Variants in LAMC1 observed in about 807,000 individuals in gnomAD.
LAMC1 encodes laminin subunit gamma-1.
LAMC1 carries 38 observed loss-of-function variants against 173.6 expected under a neutral mutation model. The observed-to-expected ratio is 0.22, with a 90% confidence interval of 0.17 to 0.29. LAMC1 has a LOEUF of 0.29. Ranked by LOEUF, LAMC1 falls within the 10% of genes least tolerant of loss-of-function variation. The pLI, the probability that LAMC1 is intolerant of heterozygous loss-of-function variation, is 1.00. For synonymous variants in LAMC1, 746 were observed against 749.1 expected (o/e 1.00, Z 0.07); for missense variants, 1,824 against 2,051.8 (o/e 0.89, Z 2.14).
chr1:183,116,514 C>A, intron 6 of LAMC1, 63 bp from the exon 7 acceptor site: 1 of 1,124,812 alleles, frequency 8.9e-7, no homozygotes, highest in Non-Finnish European at 1.3e-6. Context: ...AAACAAAGGG[C>A]TGACTTGAAG....
intron 11 of LAMC1, among the ~76,000 whole-genome samples, chr1:183,120,842 G>GT (rs1434609831): frequency 6.6e-6 from 1 of 152,062 alleles, no homozygotes; most frequent in East Asian, 1.9e-4. Flanking sequence ...TTTTTGGGGG[G>GT]TTTTTTGGCT....
At chr1:183,125,188 G>A in intron 14 of LAMC1, 1 of 605,518 alleles carries the variant, frequency 1.7e-6, no homozygotes, top group Non-Finnish European at 2.9e-6. Flanking sequence ...TTTTTCTCAC[G>A]CTAAGCCTTC....
chr1:183,053,018 G>A (rs372349127), intron 1 of LAMC1, among the ~76,000 whole-genome samples: 1 of 151,804 alleles, frequency 6.6e-6, no homozygotes. Context: ...CGATTACTCT[G>A]TTCTTCCTAG....
chr1:183,130,257 T>G, intron 18 of LAMC1, 87 bp from the exon 19 acceptor site: 1 of 1,180,098 alleles, frequency 8.5e-7, no homozygotes, highest in Non-Finnish European at 1.2e-6. Flanking sequence ...TTTAGAAGAG[T>G]AGAGATACAT....
chr1:183,068,046 G>A (rs1654920812), intron 1 of LAMC1, among the ~76,000 whole-genome samples: 2 of 152,216 alleles, frequency 1.3e-5, no homozygotes, highest in Admixed American at 1.3e-4. Flanking sequence ...CATAATGGGA[G>A]TTGAGCTTAG....
At chr1:183,056,668 A>T (rs574398533) in intron 1 of LAMC1, among the ~76,000 whole-genome samples, 25 of 152,344 alleles carry the variant, frequency 1.6e-4, no homozygotes, top group African/African-American at 5.5e-4. Flanking sequence ...CACGCTCATT[A>T]TACAGGTGAG....
Position 183,066,340 on chromosome 1 carries a change from C to T in LAMC1, c.419-36988C>T, listed in dbSNP as rs1473045256. On this transcript the variant is annotated intron_variant, in intron 1 of 27. Transcript: ENST00000258341. ...GAGAGGATGTGGGGAAATAGGAATG[C>T]TTTTACACTGTTGATGGGAGTGTAA... is the stretch of plus-strand genomic sequence containing the variant. 2.0e-5 allele frequency among the ~76,000 whole-genome samples: 3 copies of T among 152,186 alleles called. No individual in the cohort carries two copies. The South Asian group carries it at 6.2e-4, about 32-fold the overall frequency.
At chr1:183,085,230 A>AG (rs1329984064) in intron 1 of LAMC1, among the ~76,000 whole-genome samples, 1 of 152,056 alleles carries the variant, frequency 6.6e-6, no homozygotes, top group African/African-American at 2.4e-5. Context: ...AAAAAAAAAA[A>AG]AAAGTTTATG....
At chr1:183,096,895 A>G (rs6674293) in intron 1 of LAMC1, among the ~76,000 whole-genome samples, 3,647 of 152,314 alleles carry the variant, frequency 0.024, 146 homozygotes, top group African/African-American at 0.083. Flanking sequence ...GCCCTTCAAC[A>G]GGCAATAATG....
intron 1 of LAMC1, among the ~76,000 whole-genome samples, chr1:183,094,597 A>G (rs1000051368): frequency 1.3e-5 from 2 of 152,240 alleles, no homozygotes; most frequent in African/African-American, 2.4e-5. Context: ...TTGAGCAATT[A>G]TCAAGGCCAG....
chr1:183,031,387 C>G (rs1246247394), intron 1 of LAMC1, among the ~76,000 whole-genome samples: 2 of 152,200 alleles, frequency 1.3e-5, no homozygotes, highest in African/African-American at 4.8e-5. Context: ...TCACTGCAAC[C>G]TCTGCCTCCT....
Position 183,023,820 on chromosome 1 carries a change from C to A in LAMC1, c.104C>A (p.Ala35Glu). The change falls in exon 1 of 28, where the codon GCA becomes GAA. Residue 35 changes from alanine to glutamate, a missense_variant. Ala to Glu is a moderately radical substitution (Grantham distance 107). Transcript: ENST00000258341. ...AAAAAAGCAQAAMDECTDEGG... is the reference protein window; with the variant it reads ...AAAAAAGCAQEAMDECTDEGG... ...GCCGCCGCGGCGGGCTGTGCCCAGG[C>A]AGCCATGGACGAGTGCACGGACGAG... 2 of 1,570,992 alleles carry A rather than the reference C, an allele frequency of 1.3e-6. No homozygotes were observed. The highest frequency in any genetic ancestry group is 1.7e-6 in the Non-Finnish European group (2 of 1,158,050).
intron 1 of LAMC1, among the ~76,000 whole-genome samples, chr1:183,048,524 T>C (rs182814864): frequency 2.2e-4 from 33 of 152,332 alleles, no homozygotes; most frequent in Admixed American, 1.9e-3. Context: ...AGTACAAATG[T>C]CTGATAGCTT....
chr1:183,118,153 T>C lies in LAMC1; in HGVS notation c.1990+7T>C. Reference sequence around the variant, plus strand: ...GGGACATACAGTGAGAGAAGTAAGTTATGATATAATTTAGGAGAGTTGTTT... The same window carrying C: ...GGGACATACAGTGAGAGAAGTAAGTCATGATATAATTTAGGAGAGTTGTTT... On this transcript the variant is annotated splice_region_variant and intron_variant, in intron 11 of 27. Coordinates refer to ENST00000258341, the MANE Select transcript of LAMC1 (RefSeq NM_002293.4). The C allele has an allele frequency of 6.9e-7, 1 of 1,447,758 alleles. No individual in the cohort carries two copies. The highest frequency in any genetic ancestry group is 9.7e-7 in the Non-Finnish European group (1 of 1,031,790). 89.7% of individuals were successfully genotyped at this position (1,447,758 alleles called of 1,614,324 possible).
chr1:183,127,337 A>G lies in LAMC1; in HGVS notation c.3056A>G (p.Tyr1019Cys), dbSNP rs772117984. ...CGCTGTGACCAGTGTGAAGAAAACT[A>G]TTTCTACAATCGGTCTTGGCCTGGC... is the stretch of plus-strand genomic sequence containing the variant. Reference protein sequence around the residue: ...GNRCDQCEENYFYNRSWPGCQ... With the variant: ...GNRCDQCEENCFYNRSWPGCQ... The change falls in exon 17 of 28, where the codon TAT becomes TGT. Residue 1019 changes from tyrosine (Y) to cysteine (C), a missense_variant. Tyr to Cys is a radical substitution (Grantham distance 194). Transcript: ENST00000258341. 78 of 1,614,032 alleles carry G rather than the reference A, an allele frequency of 4.8e-5. No individual in the cohort carries two copies. The highest frequency in any genetic ancestry group is 6.1e-5 in the Non-Finnish European group (72 of 1,179,988).
chr1:183,029,068 A>G (rs1653769960), intron 1 of LAMC1, among the ~76,000 whole-genome samples: 1 of 152,186 alleles, frequency 6.6e-6, no homozygotes, highest in South Asian at 2.1e-4. Flanking sequence ...GTCTCTCCTG[A>G]AAGAACCATG....
chr1:183,112,104 A>G (rs1207608016), intron 4 of LAMC1, among the ~76,000 whole-genome samples: 3 of 152,278 alleles, frequency 2.0e-5, no homozygotes, highest in African/African-American at 7.2e-5. Context: ...ATCTTAACTC[A>G]CTACTGTTTC....
rs1305315538 is a variant in LAMC1, at chr1:183,144,395, C to T, written c.*1605C>T. 6.6e-6 allele frequency: 1 copy of T among 152,498 alleles called. No individual in the cohort carries two copies. The highest frequency in any genetic ancestry group is 1.5e-5 in the Non-Finnish European group (1 of 68,030). The allele number at this position is 152,498 out of a possible 1,614,324, so 9.4% of individuals were successfully genotyped here. ...CTCTGTTCACTTTGCTCAATTTTTC[C>T]TCTTCACTGGCACAATGTATCTGAA... On this transcript the variant is annotated 3_prime_UTR_variant, in exon 28 of 28. Transcript: ENST00000258341.
intron 1 of LAMC1, among the ~76,000 whole-genome samples, chr1:183,040,241 A>G (rs1165587176): frequency 6.6e-6 from 1 of 152,200 alleles, no homozygotes; most frequent in East Asian, 1.9e-4. Context: ...TTGTTCATAC[A>G]TCATTTTGTG....
Sources: gnomAD v4.1 joint callset for allele counts (sites outside exome capture counted in the v4.1 genomes callset) on GRCh38, gnomAD v4.1.1 for gene constraint, MANE v1.5 for transcripts, NCBI Gene and HGNC (gene_info 2026-07-23, HGNC 2026-07-21) for gene names.